Variants in CEP170 observed in about 807,000 individuals in gnomAD.
The protein encoded by CEP170 is centrosomal protein 170.
CEP170 carries 21 observed loss-of-function variants against 151.9 expected under a neutral mutation model. The observed-to-expected ratio is 0.14, with a 90% CI of 0.10 to 0.20. The LOEUF (loss-of-function observed/expected upper bound fraction) is 0.20, where lower values mean the gene tolerates loss of function less well. Among genes scored for constraint, CEP170 ranks in the 10% least tolerant of loss-of-function variants. The pLI is 1.00. For missense variants in CEP170, 964 were observed against 1,892.9 expected (o/e 0.51, Z 9.11); for synonymous variants, 356 against 648.8 (o/e 0.55, Z 6.86).
chr1:243,205,452 G>A (rs571202450), intron 4 of CEP170, among the ~76,000 whole-genome samples: 163 of 152,246 alleles, frequency 1.1e-3, no homozygotes, highest in Admixed American at 4.4e-3. Flanking sequence ...GAGCAAAAGT[G>A]GCCACAGAAA....
chr1:243,169,507 G>C, intron 12 of CEP170, 121 bp downstream of exon 12: 2 of 1,488,052 alleles, frequency 1.3e-6, no homozygotes, highest in Non-Finnish European at 1.8e-6. Context: ...GATTTGGCTT[G>C]TTTTTTATAA....
At chr1:243,243,538 T>TTTA (rs1558144469) in intron 1 of CEP170, among the ~76,000 whole-genome samples, 6 of 130,490 alleles carry the variant, frequency 4.6e-5, no homozygotes, top group African/African-American at 1.5e-4. Context: ...TTATTTATTT[T>TTTA]TTGGAGACAG....
At chr1:243,131,480 CAAAAACA>C (rs1023320895) in intron 17 of CEP170, among the ~76,000 whole-genome samples, 5 of 150,396 alleles carry the variant, frequency 3.3e-5, no homozygotes, top group African/African-American at 7.3e-5. Context: ...CAGCCCATCT[CAAAAACA>C]AAAAACAAAA....
intron 1 of CEP170, among the ~76,000 whole-genome samples, chr1:243,229,422 G>GA (rs2063539903): frequency 6.7e-6 from 1 of 149,250 alleles, no homozygotes; most frequent in African/African-American, 2.6e-5. Context: ...TGCTTGTAAG[G>GA]AGGGAAAAAA....
chr1:243,229,219 G>C (rs1462950955), intron 1 of CEP170, among the ~76,000 whole-genome samples: 1 of 152,228 alleles, frequency 6.6e-6, no homozygotes, highest in Non-Finnish European at 1.5e-5. Context: ...GAGCCTGTGG[G>C]TTTGCAACTT....
chr1:243,173,349 C>T (rs1398030994), intron 10 of CEP170, among the ~76,000 whole-genome samples: 1 of 151,770 alleles, frequency 6.6e-6, no homozygotes, highest in African/African-American at 2.4e-5. Context: ...CATGAGCCAA[C>T]ATGCCTGGCC....
At chr1:243,240,537 G>A (rs1433061541) in intron 1 of CEP170, among the ~76,000 whole-genome samples, 1 of 151,964 alleles carries the variant, frequency 6.6e-6, no homozygotes, top group African/African-American at 2.4e-5. Flanking sequence ...TTACACACAG[G>A]AACACTTCTA....
intron 3 of CEP170, among the ~76,000 whole-genome samples, chr1:243,221,060 T>C (rs573478537): frequency 1.3e-5 from 2 of 152,352 alleles, no homozygotes; most frequent in South Asian, 4.1e-4. Flanking sequence ...TTGCTTGTTC[T>C]GTCGCCCAGG....
rs767219717 is a variant in CEP170 at position 243,166,109 on chromosome 1, C to T, written c.1851G>A (p.Glu617=). The change falls in exon 13 of 20, where the codon GAG becomes GAA. Residue 617 remains glutamate, a synonymous_variant. Transcript: ENST00000366542. ...SAPLPLENET[E]ISESGMTVRS... is the part of the protein sequence containing the mutation. ...TCACTGTCATGCCAGACTCACTGAT[C>T]TCTGTCTCTATGAAATAAAAACCAC... The T allele has an allele frequency of 1.9e-6, 3 of 1,612,682 alleles. No homozygotes were observed. The highest frequency in any genetic ancestry group is 2.5e-6 in the Non-Finnish European group (3 of 1,179,332).
intron 10 of CEP170, among the ~76,000 whole-genome samples, chr1:243,174,786 AGT>A (rs2059115545): frequency 1.3e-5 from 2 of 150,204 alleles, no homozygotes; most frequent in Non-Finnish European, 2.9e-5. Flanking sequence ...ATTAGCGTTA[AGT>A]TTAACAGCAG....
intron 11 of CEP170, among the ~76,000 whole-genome samples, chr1:243,172,267 T>C (rs200859302): frequency 6.6e-6 from 1 of 152,192 alleles, no homozygotes; most frequent in South Asian, 2.1e-4. Context: ...GAAAATAAAT[T>C]TATAAAAATT....
At chr1:243,223,809 C>T (rs2063012004) in intron 2 of CEP170, among the ~76,000 whole-genome samples, 1 of 151,988 alleles carries the variant, frequency 6.6e-6, no homozygotes, top group Admixed American at 6.5e-5. Context: ...TTAGTACTCA[C>T]AGAATAAGAC....
intron 16 of CEP170, among the ~76,000 whole-genome samples, chr1:243,137,290 T>G (rs1490876558): frequency 6.6e-6 from 1 of 152,078 alleles, no homozygotes; most frequent in African/African-American, 2.4e-5. Context: ...CAAAATGAAC[T>G]CCTTATATTG....
intron 10 of CEP170, chr1:243,176,937 G>T: frequency 3.0e-6 from 1 of 330,222 alleles, no homozygotes; most frequent in East Asian, 7.5e-5. Flanking sequence ...TAACAAACTC[G>T]TACAATACAA....
intron 1 of CEP170, among the ~76,000 whole-genome samples, chr1:243,241,303 C>A (rs2064811828): frequency 6.6e-6 from 1 of 152,226 alleles, no homozygotes; most frequent in Admixed American, 6.5e-5. Flanking sequence ...AAAAACCAGA[C>A]ACTAGCAATT....
intron 1 of CEP170, among the ~76,000 whole-genome samples, chr1:243,234,235 A>G (rs1347396147): frequency 6.6e-6 from 1 of 152,240 alleles, no homozygotes; most frequent in Non-Finnish European, 1.5e-5. Context: ...TATCGTCTAC[A>G]CAGTAGGAAA....
chr1:243,221,227 G>A (rs1237194611), intron 3 of CEP170, among the ~76,000 whole-genome samples: 2 of 152,178 alleles, frequency 1.3e-5, no homozygotes, highest in Non-Finnish European at 2.9e-5. Flanking sequence ...GGTTCACCGT[G>A]TTAGCCAGGA....
upstream of CEP170, chr1:243,255,420 GCC>G (rs2066547505): frequency 6.5e-6 from 1 of 153,606 alleles, no homozygotes; most frequent in Non-Finnish European, 1.5e-5. Flanking sequence ...GCGCAGGCGT[GCC>G]CCGAAAGACC....
chr1:243,248,941 A>T (rs1385747262), intron 1 of CEP170, among the ~76,000 whole-genome samples: 1 of 152,106 alleles, frequency 6.6e-6, no homozygotes, highest in Non-Finnish European at 1.5e-5. Context: ...CCTGAGTAGA[A>T]TACTCTCCAC....
Sources: allele counts gnomAD v4.1 joint callset (sites outside exome capture counted in the v4.1 genomes callset), GRCh38; gene constraint gnomAD v4.1.1; transcripts MANE v1.5; gene names NCBI Gene and HGNC (gene_info 2026-07-23, HGNC 2026-07-21).